The following DLG2 variants were observed in gnomAD, a reference collection of about 807,000 sequenced individuals.
DLG2 encodes the protein discs large MAGUK scaffold protein 2.
A neutral mutation model predicts 132.5 loss-of-function variants in DLG2; 45 were observed. The observed-to-expected ratio is 0.34, with a 90% CI of 0.27 to 0.44. DLG2 has a LOEUF of 0.44. Ranked by LOEUF, DLG2 falls within the 20% of genes least tolerant of loss-of-function variation. The pLI, the probability that DLG2 is intolerant of heterozygous loss-of-function variation, is 1.00. For missense variants in DLG2, 1,045 were observed against 1,196.9 expected, an observed-to-expected ratio of 0.87 and a Z score of 1.87; for synonymous variants, 424 against 419.6, an observed-to-expected ratio of 1.01 and a Z score of -0.13.
chr11:83,494,845 C>G (rs1352568576), intron 21 of DLG2, among the ~76,000 whole-genome samples: 1 of 152,142 alleles, frequency 6.6e-6, no homozygotes, highest in Non-Finnish European at 1.5e-5. Context: ...CTCATCAAAT[C>G]TGAGGAACTG....
At chr11:85,209,768 T>C (rs545038536) in intron 4 of DLG2, among the ~76,000 whole-genome samples, 1 of 151,968 alleles carries the variant, frequency 6.6e-6, no homozygotes, top group East Asian at 1.9e-4. Flanking sequence ...CCGAAATTCA[T>C]TTATATAATC....
At chr11:85,325,015 G>A (rs1406979447) in intron 3 of DLG2, among the ~76,000 whole-genome samples, 12 of 144,402 alleles carry the variant, frequency 8.3e-5, no homozygotes, top group East Asian at 8.2e-4. Flanking sequence ...GGTGACGGAC[G>A]CACCTGGAAA....
intron 7 of DLG2, among the ~76,000 whole-genome samples, chr11:84,376,651 T>A (rs2098730235): frequency 6.6e-6 from 1 of 151,858 alleles, no homozygotes; most frequent in Non-Finnish European, 1.5e-5. Flanking sequence ...TTTATAATCC[T>A]TCTCTTTATA....
At chr11:84,898,309 T>C (rs894020024) in intron 6 of DLG2, among the ~76,000 whole-genome samples, 2 of 151,984 alleles carry the variant, frequency 1.3e-5, no homozygotes, top group Non-Finnish European at 2.9e-5. Flanking sequence ...GTTTTTGCTT[T>C]ATTGGTTTCT....
chr11:84,108,016 G>A (rs1265179836), intron 9 of DLG2, among the ~76,000 whole-genome samples: 2 of 152,090 alleles, frequency 1.3e-5, no homozygotes, highest in African/African-American at 4.8e-5. Context: ...TTGCTTTAGG[G>A]GTGAGGCTTG....
chr11:84,594,167 G>C (rs2099550670), intron 6 of DLG2, among the ~76,000 whole-genome samples: 1 of 152,118 alleles, frequency 6.6e-6, no homozygotes, highest in Non-Finnish European at 1.5e-5. Context: ...ATGAAACATA[G>C]GGGAGGGAGG....
intron 3 of DLG2, among the ~76,000 whole-genome samples, chr11:85,352,679 A>G (rs2083386839): frequency 6.6e-6 from 1 of 152,188 alleles, no homozygotes; most frequent in Non-Finnish European, 1.5e-5. Flanking sequence ...CAGAAATAAT[A>G]CCACACATCT....
At chr11:85,379,842 G>T (rs957098014) in intron 3 of DLG2, among the ~76,000 whole-genome samples, 1 of 152,090 alleles carries the variant, frequency 6.6e-6, no homozygotes, top group Non-Finnish European at 1.5e-5. Flanking sequence ...AATGGTGGTG[G>T]TACTTTTTAC....
At chr11:83,513,849 CATTATTT>C (rs1370899295) in intron 21 of DLG2, among the ~76,000 whole-genome samples, 1 of 152,064 alleles carries the variant, frequency 6.6e-6, no homozygotes, top group Non-Finnish European at 1.5e-5. Flanking sequence ...AGATATGTGG[CATTATTT>C]CTGAGGGCTC....
At chr11:83,770,267 T>TTTTTGTTTTTTG (rs2094339953) in intron 18 of DLG2, among the ~76,000 whole-genome samples, 1 of 150,822 alleles carries the variant, frequency 6.6e-6, no homozygotes, top group Admixed American at 6.6e-5. Context: ...TTTTTTTTGT[T>TTTTTGTTTTTTG]TTTTTGCTTT....
chr11:83,950,270 A>G (rs978585242), intron 14 of DLG2, among the ~76,000 whole-genome samples: 6 of 152,234 alleles, frequency 3.9e-5, no homozygotes, highest in African/African-American at 1.4e-4. Flanking sequence ...ATAACTGAGG[A>G]TGTTCTGGCC....
chr11:84,294,488 T>A (rs1186348716), intron 7 of DLG2, among the ~76,000 whole-genome samples: 12 of 152,038 alleles, frequency 7.9e-5, no homozygotes, highest in Non-Finnish European at 2.9e-5. Flanking sequence ...ATCCCAGCTA[T>A]CCCAGAGGCT....
chr11:84,569,940 TA>T (rs2099474223), intron 6 of DLG2, among the ~76,000 whole-genome samples: 1 of 152,208 alleles, frequency 6.6e-6, no homozygotes, highest in Non-Finnish European at 1.5e-5. Flanking sequence ...TGACAGTTAG[TA>T]GCAATGCCTA....
At chr11:85,235,518 C>A (rs1242324828) in intron 4 of DLG2, among the ~76,000 whole-genome samples, 2 of 151,864 alleles carry the variant, frequency 1.3e-5, no homozygotes, top group Non-Finnish European at 2.9e-5. Context: ...TTAGGAAAAT[C>A]TTCCAAAAAT....
chr11:84,107,531 C>A (rs1453684306), intron 9 of DLG2, among the ~76,000 whole-genome samples: 1 of 151,952 alleles, frequency 6.6e-6, no homozygotes, highest in Non-Finnish European at 1.5e-5. Flanking sequence ...AGCGCATATG[C>A]ATGTATACAC....
chr11:83,862,285 T>C (rs1290237071), intron 16 of DLG2, among the ~76,000 whole-genome samples: 2 of 152,144 alleles, frequency 1.3e-5, no homozygotes, highest in Non-Finnish European at 2.9e-5. Context: ...ATCCTGTCAT[T>C]GGCAACAACA....
chr11:84,644,322 G>A (rs2099671801), intron 6 of DLG2, among the ~76,000 whole-genome samples: 1 of 152,138 alleles, frequency 6.6e-6, no homozygotes, highest in Admixed American at 6.5e-5. Context: ...CCAGCAATAA[G>A]AGATTATCTT....
At chr11:84,763,647 T>A (rs1406389277) in intron 6 of DLG2, among the ~76,000 whole-genome samples, 1 of 152,086 alleles carries the variant, frequency 6.6e-6, no homozygotes, top group Non-Finnish European at 1.5e-5. Context: ...TGCTCTCTAC[T>A]TACCCCAACT....
chr11:85,258,860 T>C (rs750949148), intron 4 of DLG2, among the ~76,000 whole-genome samples: 2 of 152,196 alleles, frequency 1.3e-5, no homozygotes, highest in Non-Finnish European at 2.9e-5. Context: ...CTAACACTTA[T>C]TGAGTACCTG....
Sources: gnomAD v4.1 joint callset for allele counts (sites outside exome capture counted in the v4.1 genomes callset) on GRCh38, gnomAD v4.1.1 for gene constraint, MANE v1.5 for transcripts, NCBI Gene and HGNC (gene_info 2026-07-23, HGNC 2026-07-21) for gene names.